The following NT5C1B variants were observed in gnomAD, a reference collection of about 807,000 sequenced individuals.
The protein encoded by NT5C1B is 5'-nucleotidase, cytosolic IB.
A neutral mutation model predicts 57.8 loss-of-function variants in NT5C1B; 44 were observed. That is an observed-to-expected ratio of 0.76 (90% CI 0.60 to 0.98). NT5C1B has a LOEUF of 0.98. NT5C1B is among the 50% of genes least tolerant of loss of function. The pLI, the probability that NT5C1B is intolerant of heterozygous loss-of-function variation, is 0.00. For missense variants in NT5C1B, 742 were observed against 719.5 expected (o/e 1.03, Z -0.36); for synonymous variants, 284 against 282.6 (o/e 1.00, Z -0.05).
At chr2:18,567,781 A>T (rs1163797108) in intron 8 of NT5C1B, among the ~76,000 whole-genome samples, 1 of 152,254 alleles carries the variant, frequency 6.6e-6, no homozygotes, top group African/African-American at 2.4e-5. Context: ...AACTAGACTT[A>T]GTAATGACCC....
At chr2:18,575,805 C>G (rs1665616065) in intron 8 of NT5C1B, among the ~76,000 whole-genome samples, 1 of 152,116 alleles carries the variant, frequency 6.6e-6, no homozygotes, top group Admixed American at 6.6e-5. Context: ...GACAGAGATT[C>G]AACAAATGCT....
chr2:18,589,508 T>A lies in NT5C1B; in HGVS notation c.-40A>T. 2 of 1,613,804 alleles carry A rather than the reference T, an allele frequency of 1.2e-6. No individual in the cohort carries two copies. Among genetic ancestry groups the A allele is most frequent in the South Asian group, 1.1e-5 (1 of 91,080 alleles). On this transcript the variant is annotated 5_prime_UTR_variant, in exon 1 of 9. The change creates a premature stop within an existing upstream ORF in the 5' untranslated region. Coordinates refer to ENST00000304081, the Ensembl canonical transcript of NT5C1B. ...AAATTCTTTTGTTGTTATCCACATTTTTGTCTCCCCAGCTCCATTTCCTGT... is the reference window on the plus strand; with the variant it reads ...AAATTCTTTTGTTGTTATCCACATTATTGTCTCCCCAGCTCCATTTCCTGT...
chr2:18,587,684 AATTT>A, intron 1 of NT5C1B, 92 bp from the exon 2 acceptor site: 9 of 1,414,068 alleles, frequency 6.4e-6, no homozygotes, highest in South Asian at 1.4e-5. Context: ...GAAAACACAA[AATTT>A]ATTTATTTGC....
chr2:18,581,477 G>T (rs76902995), intron 6 of NT5C1B, among the ~76,000 whole-genome samples: 3 of 151,854 alleles, frequency 2.0e-5, no homozygotes, highest in African/African-American at 7.3e-5. Flanking sequence ...AGCTGCACAT[G>T]ATATAAAGCA....
chr2:18,587,413 C>T (rs757849542), intron 2 of NT5C1B, 90 bp downstream of exon 2: 1 of 1,565,250 alleles, frequency 6.4e-7, no homozygotes, highest in Non-Finnish European at 8.6e-7. Flanking sequence ...ACAGCTTGGT[C>T]TTCTCTCCCA....
chr2:18,589,537 T>C (rs749971612), exon 1 of NT5C1B: 1 of 1,610,462 alleles, frequency 6.2e-7, no homozygotes, highest in Non-Finnish European at 8.5e-7. Flanking sequence ...TTCCTGTCAC[T>C]TCCCTTGCTC....
chr2:18,582,005 C>G (rs886182298), intron 6 of NT5C1B, among the ~76,000 whole-genome samples: 1 of 152,180 alleles, frequency 6.6e-6, no homozygotes, highest in Non-Finnish European at 1.5e-5. Flanking sequence ...AGACCTCAAT[C>G]ACCTACTAAA....
chr2:18,585,141 T>G lies in NT5C1B; in HGVS notation c.259-163A>C, dbSNP rs889707285. The G allele has an allele frequency of 8.7e-6, 8 of 921,026 alleles. No homozygotes were observed. In the African/African-American group the frequency reaches 1.3e-4, roughly 15 times the overall value. 57.1% of individuals were successfully genotyped at this position (921,026 alleles called of 1,614,324 possible). A position where few individuals can be genotyped will look rare whatever the true frequency, so the allele number is the denominator to read the frequency against. ...GACTCGGACATTTCTAGGCCTCAGC[T>G]GTTTGATATTTCTGTTAAACAGACA... On this transcript the variant is annotated intron_variant, in intron 3 of 8. Coordinates refer to ENST00000304081, the Ensembl canonical transcript of NT5C1B.
exon 9 of NT5C1B, chr2:18,563,516 G>A: frequency 3.6e-6 from 1 of 278,066 alleles, no homozygotes; most frequent in South Asian, 1.4e-4. Context: ...CCTTAAGCAT[G>A]CAAATATTCA....
intron 8 of NT5C1B, 113 bp from the exon 9 acceptor site, chr2:18,564,232 C>G: frequency 8.1e-7 from 1 of 1,241,302 alleles, no homozygotes. Flanking sequence ...TACAGCATGA[C>G]ATGCAGTGTT....
At chr2:18,585,032 C>A in intron 3 of NT5C1B, 54 bp from the exon 4 acceptor site, 1 of 1,586,798 alleles carries the variant, frequency 6.3e-7, no homozygotes, top group South Asian at 1.1e-5. Flanking sequence ...CATCTCCGGT[C>A]AAGGATCTGT....
At chr2:18,567,093 ACT>A (rs1664711864) in intron 8 of NT5C1B, among the ~76,000 whole-genome samples, 2 of 152,072 alleles carry the variant, frequency 1.3e-5, no homozygotes, top group African/African-American at 4.8e-5. Context: ...AGAAGTACAC[ACT>A]CTCTTTTAGG....
chr2:18,584,461 A>G lies in NT5C1B; in HGVS notation c.723+53T>C. On this transcript the variant is annotated intron_variant, in intron 4 of 8. Coordinates refer to ENST00000304081, the Ensembl canonical transcript of NT5C1B. The surrounding 1 kb of genome is among the most constrained non-coding windows in gnomAD (Gnocchi z 5.8). ...GCGCAGTGGAGAGGAGGGCGGCTGG[A>G]AGAGGCTGCAAGGAAGGGCGCCCCG... 6.3e-7 allele frequency: 1 copy of G among 1,575,614 alleles called. No homozygotes were observed. Among genetic ancestry groups the G allele is most frequent in the South Asian group, 1.1e-5 (1 of 87,006 alleles).
chr2:18,583,983 T>G (rs775097847), intron 5 of NT5C1B, 105 bp downstream of exon 5: 33 of 1,594,916 alleles, frequency 2.1e-5, no homozygotes, highest in Non-Finnish European at 2.8e-5. Context: ...ATGACAAGGG[T>G]GGGCTAGGAA....
Position 18,584,820 on chromosome 2 carries a change from G to A in NT5C1B, c.417C>T (p.Pro139=). 15 of 1,612,228 alleles carry A rather than the reference G, an allele frequency of 9.3e-6. No individual in the cohort carries two copies. The highest frequency in any genetic ancestry group is 1.3e-5 in the Non-Finnish European group (15 of 1,179,470). Residue 139 remains proline, a synonymous_variant, in exon 4 of 9, where the codon CCC becomes CCT. Coordinates refer to ENST00000304081, the Ensembl canonical transcript of NT5C1B. This position sits in a 1 kb window ranked among gnomAD's most constrained non-coding sequence, Gnocchi z 5.8. ...TGGTGCTGCGCCGGGAGCCAGGATC[G>A]GGCTCTGGGGGCGTGGGAGGCCGCG...
intron 8 of NT5C1B, among the ~76,000 whole-genome samples, chr2:18,573,844 AG>A (rs1665431307): frequency 6.6e-6 from 1 of 152,182 alleles, no homozygotes; most frequent in African/African-American, 2.4e-5. Flanking sequence ...AACTGGCAGA[AG>A]TACTGCATAA....
intron 8 of NT5C1B, among the ~76,000 whole-genome samples, chr2:18,568,016 A>T (rs533759571): frequency 2.0e-5 from 3 of 151,992 alleles, no homozygotes; most frequent in Non-Finnish European, 4.4e-5. Flanking sequence ...GTCAATAGAA[A>T]TTGCCCAAAC....
exon 9 of NT5C1B, chr2:18,563,032 C>A (rs922756545): frequency 3.3e-5 from 5 of 150,420 alleles, no homozygotes; most frequent in African/African-American, 1.2e-4. Flanking sequence ...GGATACTACA[C>A]TTCATGTCAC....
intron 2 of NT5C1B, chr2:18,586,614 A>G (rs767700725): frequency 5.6e-6 from 4 of 709,264 alleles, no homozygotes; most frequent in Non-Finnish European, 8.9e-6. Flanking sequence ...CACTTGAAAG[A>G]GCATCCAAAA....
Sources: allele counts gnomAD v4.1 joint callset (sites outside exome capture counted in the v4.1 genomes callset), GRCh38; gene constraint gnomAD v4.1.1; non-coding constraint Gnocchi (gnomAD v3.1); transcripts MANE v1.5; gene names NCBI Gene and HGNC (gene_info 2026-07-23, HGNC 2026-07-21).